The following NRG1 variants were observed in gnomAD, a reference collection of about 807,000 sequenced individuals.
NRG1 encodes neuregulin 1, also known as pro-neuregulin-1, membrane-bound isoform.
NRG1 carries 18 observed loss-of-function variants against 63.8 expected under a neutral mutation model. That is an observed-to-expected ratio of 0.28 (90% CI 0.19 to 0.42). The LOEUF (loss-of-function observed/expected upper bound fraction) is 0.42. Among genes scored for constraint, NRG1 ranks in the 10% least tolerant of loss-of-function variants. The probability of loss-of-function intolerance (pLI) is 1.00; values close to 1 mark genes in which losing one functional copy is unlikely to be tolerated. For missense variants in NRG1, 762 were observed against 814.7 expected (o/e 0.94, Z 0.79); for synonymous variants, 302 against 301.3 (o/e 1.00, Z -0.02).
intron 1 of NRG1, among the ~76,000 whole-genome samples, chr8:31,650,346 C>G (rs1471165976): frequency 6.6e-6 from 1 of 152,190 alleles, no homozygotes; most frequent in East Asian, 1.9e-4. Context: ...ATAGTTAACT[C>G]AAGATCTCAA....
At chr8:31,909,100 C>A (rs905892878) in intron 1 of NRG1, among the ~76,000 whole-genome samples, 1 of 152,102 alleles carries the variant, frequency 6.6e-6, no homozygotes, top group African/African-American at 2.4e-5. Flanking sequence ...AAAAGCTACA[C>A]TTTGTGGCCC....
intron 1 of NRG1, among the ~76,000 whole-genome samples, chr8:31,695,930 AT>A (rs2131158318): frequency 6.6e-6 from 1 of 152,334 alleles, no homozygotes; most frequent in East Asian, 1.9e-4. Flanking sequence ...TATAGTCAGC[AT>A]TTATCTAATT....
intron 1 of NRG1, among the ~76,000 whole-genome samples, chr8:31,652,941 T>C (rs1260657149): frequency 1.1e-5 from 1 of 91,272 alleles, no homozygotes. Flanking sequence ...CCTCCTTCCC[T>C]TCCTTCCTCT....
At chr8:32,578,077 C>G (rs1588443634) in intron 1 of NRG1, among the ~76,000 whole-genome samples, 1 of 152,216 alleles carries the variant, frequency 6.6e-6, no homozygotes, top group East Asian at 1.9e-4. Context: ...TCACGGCAAC[C>G]TCTCCCTCCC....
intron 1 of NRG1, among the ~76,000 whole-genome samples, chr8:32,127,623 G>C (rs1834269837): frequency 6.6e-6 from 1 of 151,482 alleles, no homozygotes; most frequent in Admixed American, 6.6e-5. Context: ...ATTATCAATA[G>C]AGTCTTTCTT....
At chr8:31,786,223 T>C (rs2131635999) in intron 1 of NRG1, among the ~76,000 whole-genome samples, 1 of 152,302 alleles carries the variant, frequency 6.6e-6, no homozygotes, top group South Asian at 2.1e-4. Context: ...CAAGGAAAAG[T>C]ACATTCTCCA....
chr8:32,121,428 CT>C (rs1353443306), intron 1 of NRG1, among the ~76,000 whole-genome samples: 2 of 150,866 alleles, frequency 1.3e-5, no homozygotes, highest in Admixed American at 1.3e-4. Context: ...TGTGTGTTAC[CT>C]TTACCTTTGT....
intron 1 of NRG1, among the ~76,000 whole-genome samples, chr8:31,993,020 T>C (rs1317135270): frequency 6.6e-6 from 1 of 152,020 alleles, no homozygotes; most frequent in East Asian, 1.9e-4. Context: ...CTAACTGATC[T>C]GGGATACAGA....
At chr8:32,451,430 T>G (rs1820926918) in intron 1 of NRG1, among the ~76,000 whole-genome samples, 1 of 152,212 alleles carries the variant, frequency 6.6e-6, no homozygotes, top group South Asian at 2.1e-4. Flanking sequence ...AGAGCCCTCC[T>G]TCCCAGCACA....
intron 1 of NRG1, among the ~76,000 whole-genome samples, chr8:32,375,881 A>G (rs1381740012): frequency 6.6e-6 from 1 of 152,184 alleles, no homozygotes; most frequent in African/African-American, 2.4e-5. Context: ...ACAGCAGAGT[A>G]TGGTCGGCCC....
intron 1 of NRG1, among the ~76,000 whole-genome samples, chr8:31,961,067 G>A (rs1464387715): frequency 1.3e-5 from 2 of 152,246 alleles, no homozygotes; most frequent in South Asian, 2.1e-4. Context: ...GATGATTTGC[G>A]TTAAGAGGTT....
rs1037837631 is a variant in NRG1, at chr8:32,054,441, A to G, written c.37+415010A>G. On this transcript the variant is annotated intron_variant, in intron 1 of 10. Transcript: ENST00000519301. ...TGTGACAATAAATGCAGTAAGAATTAGTCAAGAGAAAGACAAGTGTGGCCT... is the reference window on the plus strand; with the variant it reads ...TGTGACAATAAATGCAGTAAGAATTGGTCAAGAGAAAGACAAGTGTGGCCT... Among the ~76,000 whole-genome samples the G allele has an allele frequency of 5.3e-5, 8 of 152,350 alleles. No homozygotes were observed. The South Asian group carries it at 1.0e-3, about 20-fold the overall frequency.
chr8:31,996,660 G>T (rs1455988894), intron 1 of NRG1, among the ~76,000 whole-genome samples: 1 of 151,924 alleles, frequency 6.6e-6, no homozygotes, highest in Non-Finnish European at 1.5e-5. Flanking sequence ...CAAGAAAATT[G>T]CTTGAGCTGG....
intron 1 of NRG1, among the ~76,000 whole-genome samples, chr8:32,353,342 T>G (rs574999277): frequency 6.6e-6 from 1 of 151,224 alleles, no homozygotes; most frequent in African/African-American, 2.4e-5. Context: ...TTAAATAATT[T>G]AAAATCTTAA....
At chr8:31,826,077 C>G (rs763615282) in intron 1 of NRG1, among the ~76,000 whole-genome samples, 5 of 152,194 alleles carry the variant, frequency 3.3e-5, no homozygotes, top group South Asian at 2.1e-4. Flanking sequence ...GAAATAGAAC[C>G]CTGTTTTTGA....
At chr8:32,045,545 A>G (rs896677229) in intron 1 of NRG1, among the ~76,000 whole-genome samples, 2 of 151,960 alleles carry the variant, frequency 1.3e-5, no homozygotes, top group African/African-American at 4.8e-5. Flanking sequence ...AGAAATGGAG[A>G]AATTATGTGC....
At chr8:32,156,378 A>G (rs1838063701) in intron 1 of NRG1, among the ~76,000 whole-genome samples, 1 of 152,146 alleles carries the variant, frequency 6.6e-6, no homozygotes, top group African/African-American at 2.4e-5. Flanking sequence ...TACTTATCAG[A>G]GTCGTAATTT....
intron 1 of NRG1, among the ~76,000 whole-genome samples, chr8:32,078,227 A>C (rs1015758277): frequency 1.6e-4 from 25 of 152,012 alleles, no homozygotes; most frequent in African/African-American, 5.8e-4. Flanking sequence ...GTGAGTTCTT[A>C]CTCTGTTAGT....
intron 1 of NRG1, among the ~76,000 whole-genome samples, chr8:32,167,235 C>T (rs1188852822): frequency 6.6e-6 from 1 of 152,238 alleles, no homozygotes; most frequent in South Asian, 2.1e-4. Context: ...CAGCCCCTAC[C>T]CCAATTCCTT....
Sources: allele counts gnomAD v4.1 joint callset (sites outside exome capture counted in the v4.1 genomes callset), GRCh38; gene constraint gnomAD v4.1.1; transcripts MANE v1.5; gene names NCBI Gene and HGNC (gene_info 2026-07-23, HGNC 2026-07-21).